SLC45A3: variants seen among roughly 807,000 people sequenced by gnomAD.
SLC45A3 encodes the protein prostate cancer associated protein 2.
A neutral mutation model predicts 35.3 loss-of-function variants in SLC45A3; 17 were observed. The ratio of observed to expected loss-of-function variants is 0.48; its 90% confidence interval spans 0.33 to 0.72. SLC45A3 has a LOEUF of 0.72. Ranked by LOEUF, SLC45A3 falls within the 30% of genes least tolerant of loss-of-function variation. SLC45A3 has a pLI of 0.02. For missense variants in SLC45A3, 597 were observed against 731.7 expected, an observed-to-expected ratio of 0.82 and a Z score of 2.12; for synonymous variants, 288 against 334.3, an observed-to-expected ratio of 0.86 and a Z score of 1.51.
intron 1 of SLC45A3, among the ~76,000 whole-genome samples, chr1:205,677,252 C>T (rs1275320361): frequency 6.6e-6 from 1 of 152,154 alleles, no homozygotes; most frequent in East Asian, 1.9e-4. Flanking sequence ...CACGGACATC[C>T]AGTCCTGCTG....
At position 205,659,202 on chromosome 1, in the gene SLC45A3, C is replaced by A; in HGVS notation, c.*32G>T. 1 of 1,570,202 alleles carries A rather than the reference C, an allele frequency of 6.4e-7. No individual in the cohort carries two copies. The highest frequency in any genetic ancestry group is 8.7e-7 in the Non-Finnish European group (1 of 1,155,330). On this transcript the variant is annotated 3_prime_UTR_variant, in exon 5 of 5. Coordinates refer to ENST00000367145, the MANE Select transcript of SLC45A3 (RefSeq NM_033102.3). This position sits in a 1 kb window ranked among gnomAD's most constrained non-coding sequence, Gnocchi z 5.8. Reference sequence around the variant, plus strand: ...AGCGGGGAGCTGGGACCCAGTGAGGCAGGCCCTCCACCCCAATGTGCTGGA... The same window carrying A: ...AGCGGGGAGCTGGGACCCAGTGAGGAAGGCCCTCCACCCCAATGTGCTGGA...
chr1:205,674,091 C>T (rs1226102606), intron 1 of SLC45A3, among the ~76,000 whole-genome samples: 3 of 151,806 alleles, frequency 2.0e-5, no homozygotes, highest in Admixed American at 6.6e-5. Flanking sequence ...TACAAATCCA[C>T]GTGAGGGGGT....
In SLC45A3 at chr1:205,669,389, T is replaced by C. The variant is rs945343233; in HGVS notation, c.-230-4503A>G. On this transcript the variant is annotated intron_variant, in intron 1 of 4. Coordinates refer to ENST00000367145, the MANE Select transcript of SLC45A3 (RefSeq NM_033102.3). This position sits in a 1 kb window ranked among gnomAD's most constrained non-coding sequence, Gnocchi z 4.1. ...AAGCTGACCCGAGCCCACTCCCTGGTAGCTCCCTAAGGGAAGGGAGGGTCA... is the reference window on the plus strand; with the variant it reads ...AAGCTGACCCGAGCCCACTCCCTGGCAGCTCCCTAAGGGAAGGGAGGGTCA... Among the ~76,000 whole-genome samples, 22 of 152,106 alleles carry C rather than the reference T, an allele frequency of 1.4e-4. No individual in the cohort carries two copies. The highest frequency in any genetic ancestry group is 5.3e-4 in the African/African-American group (22 of 41,438).
At position 205,669,691 on chromosome 1, in the gene SLC45A3, T is replaced by G. The variant is rs575529482; in HGVS notation, c.-230-4805A>C. ...GCGACCCTGCGTGTTCCCTGCACAC[T>G]CACAAAGACGCTCTGCTTTCTCCCA... On this transcript the variant is annotated intron_variant, in intron 1 of 4. Coordinates refer to ENST00000367145, the MANE Select transcript of SLC45A3 (RefSeq NM_033102.3). This position sits in a 1 kb window ranked among gnomAD's most constrained non-coding sequence, Gnocchi z 4.1. 6.6e-6 allele frequency among the ~76,000 whole-genome samples: 1 copy of G among 152,160 alleles called. No homozygotes were observed. The highest frequency in any genetic ancestry group is 2.4e-5 in the African/African-American group (1 of 41,518).
In SLC45A3 at chr1:205,659,243, G is replaced by A; in HGVS notation, c.1653C>T (p.Tyr551=). 2 of 1,610,730 alleles carry A rather than the reference G, an allele frequency of 1.2e-6. No homozygotes were observed. Among genetic ancestry groups the A allele is most frequent in the Admixed American group, 1.7e-5 (1 of 59,820 alleles). The change falls in exon 5 of 5, where the codon TAC becomes TAT. Residue 551 remains tyrosine, a synonymous_variant. Transcript: ENST00000367145. This position sits in a 1 kb window ranked among gnomAD's most constrained non-coding sequence, Gnocchi z 5.8. ...ATGTGCTGGAAGTTTTCTACGCTGA[G>A]TATTTGGCCAAGTCGCTCTTGTCAA... ...VVFDKSDLAK[Y]SA is the part of the protein sequence containing the mutation.
chr1:205,671,324 A>C (rs1671211390), intron 1 of SLC45A3, among the ~76,000 whole-genome samples: 2 of 152,190 alleles, frequency 1.3e-5, no homozygotes, highest in South Asian at 4.1e-4. Context: ...GCTGCAACCC[A>C]AGGTCACACT....
chr1:205,664,443 C>CA lies in SLC45A3; in HGVS notation c.172+41dup. 3 of 1,605,678 alleles carry CA rather than the reference C, an allele frequency of 1.9e-6. No individual in the cohort carries two copies. Among genetic ancestry groups the CA allele is most frequent in the Non-Finnish European group, 2.6e-6 (3 of 1,174,082 alleles). ...TACTCCTGTCCCACATGCCAGGTGG[C>CA]ATGTATCTGGAACAGGAAGGAAGGA... On this transcript the variant is annotated intron_variant, in intron 2 of 4. Coordinates refer to ENST00000367145, the MANE Select transcript of SLC45A3 (RefSeq NM_033102.3). The surrounding 1 kb of genome is among the most constrained non-coding windows in gnomAD (Gnocchi z 5.3).
chr1:205,660,797 C>T (rs1671006720), intron 4 of SLC45A3, among the ~76,000 whole-genome samples: 1 of 152,068 alleles, frequency 6.6e-6, no homozygotes, highest in Non-Finnish European at 1.5e-5. Flanking sequence ...TGCCCCCAGC[C>T]CAGGCAAGCA....
At chr1:205,678,805 G>A (rs1247597037) in intron 1 of SLC45A3, among the ~76,000 whole-genome samples, 1 of 152,170 alleles carries the variant, frequency 6.6e-6, no homozygotes, top group East Asian at 1.9e-4. Context: ...CTGGTGGGAG[G>A]AGATAAGGGA....
rs1445392581 is a variant in SLC45A3, at chr1:205,662,753, C to T, written c.958+80G>A. The T allele has an allele frequency of 1.3e-6, 2 of 1,504,034 alleles. No individual in the cohort carries two copies. The highest frequency in any genetic ancestry group is 2.3e-5 in the East Asian group (1 of 43,828). The allele number at this position is 1,504,034 out of a possible 1,614,324, so 93.2% of individuals were successfully genotyped here. The stretch of plus-strand genomic sequence containing the variant: ...AGAAGTCGGGGCCAGGATGGAGAGG[C>T]ACCAGCCCAGACACAGCCCCGAGTG... On this transcript the variant is annotated intron_variant, in intron 3 of 4. Coordinates refer to ENST00000367145, the MANE Select transcript of SLC45A3 (RefSeq NM_033102.3). This position sits in a 1 kb window ranked among gnomAD's most constrained non-coding sequence, Gnocchi z 6.2.
rs897891033 is a variant in SLC45A3 at position 205,659,045 on chromosome 1, A to C, written c.*189T>G. Reference sequence around the variant, plus strand: ...AGGCAGCCCTAGAGACTGGGGAGAGAGGAGAGGGACGCCCCAGCCCCCAGC... The same window carrying C: ...AGGCAGCCCTAGAGACTGGGGAGAGCGGAGAGGGACGCCCCAGCCCCCAGC... On this transcript the variant is annotated 3_prime_UTR_variant, in exon 5 of 5. Coordinates refer to ENST00000367145, the MANE Select transcript of SLC45A3 (RefSeq NM_033102.3). The surrounding 1 kb of genome is among the most constrained non-coding windows in gnomAD (Gnocchi z 5.8). The C allele has an allele frequency of 1.9e-5, 12 of 619,062 alleles. No homozygotes were observed. Among genetic ancestry groups the C allele is most frequent in the Non-Finnish European group, 3.3e-5 (12 of 358,628 alleles). The allele number at this position is 619,062 out of a possible 1,614,324, so 38.3% of individuals were successfully genotyped here.
chr1:205,674,753 G>A (rs1671283234), intron 1 of SLC45A3, among the ~76,000 whole-genome samples: 1 of 151,574 alleles, frequency 6.6e-6, no homozygotes, highest in African/African-American at 2.4e-5. Flanking sequence ...CTCTCATTCT[G>A]TTGCCCAGGC....
At chr1:205,673,817 A>G (rs1425270524) in intron 1 of SLC45A3, among the ~76,000 whole-genome samples, 1 of 152,166 alleles carries the variant, frequency 6.6e-6, no homozygotes, top group African/African-American at 2.4e-5. Context: ...CTCTCAAAGA[A>G]ACTCATTTTC....
At chr1:205,674,502 G>C (rs1222397819) in intron 1 of SLC45A3, among the ~76,000 whole-genome samples, 1 of 148,964 alleles carries the variant, frequency 6.7e-6, no homozygotes, top group Non-Finnish European at 1.5e-5. Flanking sequence ...CAGGTGAATC[G>C]CTTGAACCTG....
At chr1:205,667,520 A>G (rs1671139435) in intron 1 of SLC45A3, among the ~76,000 whole-genome samples, 2 of 150,786 alleles carry the variant, frequency 1.3e-5, no homozygotes, top group Non-Finnish European at 3.0e-5. Flanking sequence ...AAAAATAAAT[A>G]CATAAGATAA....
chr1:205,675,266 T>C (rs1248213870), intron 1 of SLC45A3, among the ~76,000 whole-genome samples: 1 of 152,210 alleles, frequency 6.6e-6, no homozygotes, highest in East Asian at 1.9e-4. Flanking sequence ...TCACCAGTTC[T>C]TACCTAGAAA....
chr1:205,667,877 C>T (rs1195158925), intron 1 of SLC45A3, among the ~76,000 whole-genome samples: 3 of 152,104 alleles, frequency 2.0e-5, no homozygotes, highest in Admixed American at 1.3e-4. Context: ...CCCCACCATC[C>T]TCCTACAGCC....
chr1:205,660,362 G>C (rs1006875296), intron 4 of SLC45A3, among the ~76,000 whole-genome samples: 1 of 152,106 alleles, frequency 6.6e-6, no homozygotes, highest in African/African-American at 2.4e-5. Flanking sequence ...AGAGTGACTG[G>C]TCGACCACCA....
rs564392525 is a variant in SLC45A3 at position 205,663,039 on chromosome 1, C to T, written c.752G>A (p.Arg251Gln). The T allele has an allele frequency of 5.6e-6, 9 of 1,609,328 alleles. No homozygotes were observed. Among genetic ancestry groups the T allele is most frequent in the East Asian group, 4.5e-5 (2 of 44,664 alleles). The change falls in exon 3 of 5, where the codon CGG becomes CAG. Residue 251 changes from arginine to glutamine, a missense_variant. This residue lies in a region of SLC45A3 where 555 missense variants were observed against 664.9 expected (regional missense o/e 0.83). Coordinates refer to ENST00000367145, the MANE Select transcript of SLC45A3 (RefSeq NM_033102.3). ...CCGGGGAAGCAGGGCGCCCAGGTTC[C>T]GGAAAGCCAAGCGGGCCCGGCATGG... ...CCPCRARLAFRNLGALLPRLH... is the reference protein window; with the variant it reads ...CCPCRARLAFQNLGALLPRLH...
Sources: allele counts gnomAD v4.1 joint callset (sites outside exome capture counted in the v4.1 genomes callset), GRCh38; gene constraint gnomAD v4.1.1; regional missense constraint gnomAD v4.1.1; non-coding constraint Gnocchi (gnomAD v3.1); transcripts MANE v1.5; gene names NCBI Gene and HGNC (gene_info 2026-07-23, HGNC 2026-07-21).